The following CEP162 variants were observed in gnomAD, a reference collection of about 807,000 sequenced individuals.
CEP162 encodes centrosomal protein of 162 kDa.
A neutral mutation model predicts 169.2 loss-of-function variants in CEP162; 141 were observed. That is an observed-to-expected ratio of 0.83 (90% confidence interval 0.73 to 0.96). The LOEUF (loss-of-function observed/expected upper bound fraction) is 0.96, where lower values mean the gene tolerates loss of function less well. CEP162 is among the 40% of genes least tolerant of loss of function. The probability of loss-of-function intolerance (pLI) is 0.00; values close to 1 mark genes in which losing one functional copy is unlikely to be tolerated. For missense variants in CEP162, 1,600 were observed against 1,587.2 expected (o/e 1.01, Z -0.14); for synonymous variants, 540 against 526.4 (o/e 1.03, Z -0.35).
At chr6:84,199,660 G>T (rs1294315176) in intron 9 of CEP162, among the ~76,000 whole-genome samples, 2 of 151,174 alleles carry the variant, frequency 1.3e-5, no homozygotes, top group African/African-American at 4.9e-5. Context: ...GTCTGAATTG[G>T]TTTAGTTAAC....
At chr6:84,126,267 C>T (rs2099508897) in intron 26 of CEP162, 111 bp downstream of exon 26, 3 of 649,304 alleles carry the variant, frequency 4.6e-6, no homozygotes, top group South Asian at 1.0e-4. Flanking sequence ...GATCAAAATA[C>T]ACTGGAAACA....
intron 25 of CEP162, among the ~76,000 whole-genome samples, chr6:84,145,313 G>GGCCAA (rs1292307554): frequency 6.6e-6 from 1 of 151,962 alleles, no homozygotes; most frequent in African/African-American, 2.4e-5. Context: ...GCCAATAAAG[G>GGCCAA]GCCAATCTGA....
At chr6:84,166,409 T>C (rs990125794) in intron 18 of CEP162, among the ~76,000 whole-genome samples, 1 of 152,202 alleles carries the variant, frequency 6.6e-6, no homozygotes, top group African/African-American at 2.4e-5. Flanking sequence ...CTGTCCACAC[T>C]ATTAAATGCT....
At chr6:84,225,407 T>C (rs2099555314) in intron 2 of CEP162, among the ~76,000 whole-genome samples, 1 of 152,178 alleles carries the variant, frequency 6.6e-6, no homozygotes, top group Non-Finnish European at 1.5e-5. Flanking sequence ...AGTAAACATA[T>C]GGTACAAAAG....
chr6:84,174,238 T>C (rs986870403), intron 15 of CEP162, 50 bp from the exon 16 acceptor site: 1 of 1,429,160 alleles, frequency 7.0e-7, no homozygotes, highest in African/African-American at 1.4e-5. Flanking sequence ...AATGATAAGG[T>C]GAGAAGTGAG....
In CEP162 at chr6:84,175,641, T is replaced by C. The variant is rs559634735; in HGVS notation, c.1664-294A>G. Among the ~76,000 whole-genome samples, 22 of 152,332 alleles carry C rather than the reference T, an allele frequency of 1.4e-4. No individual in the cohort carries two copies. In the South Asian group the frequency reaches 4.6e-3, roughly 32 times the overall value. Reference sequence around the variant, plus strand: ...GTGAGAATGTGGATAGAAATAACTTTCAGAGTTTATTAGTTTTAAATAAAT... The same window carrying C: ...GTGAGAATGTGGATAGAAATAACTTCCAGAGTTTATTAGTTTTAAATAAAT... On this transcript the variant is annotated intron_variant, in intron 13 of 26. Coordinates refer to ENST00000403245, the MANE Select transcript of CEP162 (RefSeq NM_014895.4).
chr6:84,223,805 G>A (rs1005066428), intron 2 of CEP162, among the ~76,000 whole-genome samples: 2 of 151,828 alleles, frequency 1.3e-5, no homozygotes, highest in African/African-American at 4.8e-5. Flanking sequence ...AATTTAGGAG[G>A]CTGAGGCATA....
At chr6:84,209,605 T>C (rs7772822) in intron 6 of CEP162, among the ~76,000 whole-genome samples, 9,209 of 151,924 alleles carry the variant, frequency 0.061, 911 homozygotes, top group African/African-American at 0.21. Flanking sequence ...AAACTCCTGA[T>C]GTCAGGTGAT....
chr6:84,162,144 T>C (rs2099526033), intron 19 of CEP162, among the ~76,000 whole-genome samples: 2 of 152,184 alleles, frequency 1.3e-5, no homozygotes, highest in South Asian at 4.1e-4. Flanking sequence ...CAAAGTTGGC[T>C]ATGTAGAAAT....
chr6:84,211,740 G>A (rs931118635), intron 6 of CEP162, among the ~76,000 whole-genome samples: 4 of 151,474 alleles, frequency 2.6e-5, no homozygotes, highest in African/African-American at 7.3e-5. Context: ...GGCAGGAAGC[G>A]GAAAGCAGCA....
intron 17 of CEP162, 62 bp downstream of exon 17, chr6:84,171,544 A>G (rs1216429660): frequency 1.7e-6 from 1 of 586,906 alleles, no homozygotes; most frequent in Non-Finnish European, 2.8e-6. Context: ...TTATTAACAT[A>G]ATAAGAAAAT....
intron 24 of CEP162, among the ~76,000 whole-genome samples, chr6:84,148,119 G>T (rs1459297488): frequency 6.6e-6 from 1 of 152,096 alleles, no homozygotes; most frequent in African/African-American, 2.4e-5. Flanking sequence ...TCCTATGGAG[G>T]ATAAGGCCAG....
chr6:84,128,450 T>C (rs1214253318), intron 25 of CEP162, among the ~76,000 whole-genome samples: 1 of 152,228 alleles, frequency 6.6e-6, no homozygotes, highest in Admixed American at 6.5e-5. Context: ...AATAGGGGAT[T>C]TGTGAAATAA....
chr6:84,220,849 A>G (rs911325947), intron 3 of CEP162, among the ~76,000 whole-genome samples: 2 of 152,210 alleles, frequency 1.3e-5, no homozygotes, highest in Non-Finnish European at 2.9e-5. Flanking sequence ...TCCATGTAAA[A>G]TAAGCTGATA....
intron 9 of CEP162, among the ~76,000 whole-genome samples, chr6:84,198,364 G>A (rs1002126024): frequency 2.6e-5 from 4 of 151,922 alleles, no homozygotes; most frequent in African/African-American, 4.8e-5. Flanking sequence ...TGCAACCTCC[G>A]CCTCCCAGGT....
intron 6 of CEP162, among the ~76,000 whole-genome samples, chr6:84,207,269 G>A (rs1201574708): frequency 2.0e-5 from 3 of 152,190 alleles, no homozygotes; most frequent in Non-Finnish European, 2.9e-5. Context: ...ATATGCACAT[G>A]TATGTTTATT....
intron 23 of CEP162, among the ~76,000 whole-genome samples, chr6:84,150,784 T>A (rs976817325): frequency 2.0e-5 from 3 of 152,182 alleles, no homozygotes; most frequent in African/African-American, 7.2e-5. Context: ...AAACAAGCTT[T>A]CCATTTGGTA....
intron 25 of CEP162, among the ~76,000 whole-genome samples, chr6:84,144,131 C>T (rs1588718694): frequency 6.6e-6 from 1 of 151,886 alleles, no homozygotes; most frequent in Admixed American, 6.6e-5. Context: ...TTGGGATGTT[C>T]CAGAGGGCCC....
At chr6:84,221,468 A>C (rs939622225) in intron 2 of CEP162, among the ~76,000 whole-genome samples, 2 of 152,218 alleles carry the variant, frequency 1.3e-5, no homozygotes, top group African/African-American at 4.8e-5. Context: ...GGGAGGATAC[A>C]GTCCTGTCTT....
Sources: gnomAD v4.1 joint callset for allele counts (sites outside exome capture counted in the v4.1 genomes callset) on GRCh38, gnomAD v4.1.1 for gene constraint, MANE v1.5 for transcripts, NCBI Gene and HGNC (gene_info 2026-07-23, HGNC 2026-07-21) for gene names.